DENND4C: variants seen among roughly 807,000 people sequenced by gnomAD.
DENND4C encodes the protein DENN domain-containing protein 4C.
In DENND4C, 108 loss-of-function variants were observed where a neutral mutation model predicts 203.0. That is an observed-to-expected ratio of 0.53 (90% CI 0.46 to 0.62). The LOEUF is 0.62. Ranked by LOEUF, DENND4C falls within the 20% of genes least tolerant of loss-of-function variation. The pLI, the probability that DENND4C is intolerant of heterozygous loss-of-function variation, is 0.00. For missense variants in DENND4C, 2,481 were observed against 2,301.2 expected (o/e 1.08, Z -1.60); for synonymous variants, 871 against 792.4 (o/e 1.10, Z -1.67).
At chr9:19,287,081 G>C in intron 3 of DENND4C, 60 bp downstream of exon 3, 3 of 1,222,676 alleles carry the variant, frequency 2.5e-6, no homozygotes, top group Non-Finnish European at 3.1e-6. Context: ...ATACGTTTTG[G>C]ATTCCTGTTT....
intron 10 of DENND4C, among the ~76,000 whole-genome samples, chr9:19,306,745 GTATTTATTTATTTATTTATT>G (rs59616787): frequency 3.7e-4 from 52 of 142,322 alleles, no homozygotes; most frequent in African/African-American, 1.3e-3. Context: ...TTGCACAATT[GTATTTATTTATTTATTTATT>G]TATTTATTTA....
intron 23 of DENND4C, 111 bp downstream of exon 23, chr9:19,347,197 T>A: frequency 2.6e-6 from 3 of 1,134,720 alleles, no homozygotes; most frequent in Non-Finnish European, 3.7e-6. Flanking sequence ...TGGAGTACAG[T>A]GGCATGATTT....
Position 19,271,637 on chromosome 9 carries a change from G to A in DENND4C, c.-17-4521G>A, listed in dbSNP as rs569540976. Reference sequence around the variant, plus strand: ...TCCCAGCACTTTGGGAGGCTGAGGCGGGCGGATCACCTGAGGTGGTTGAGT... The same window carrying A: ...TCCCAGCACTTTGGGAGGCTGAGGCAGGCGGATCACCTGAGGTGGTTGAGT... On this transcript the variant is annotated intron_variant, in intron 1 of 32. Transcript: ENST00000434457. Among the ~76,000 whole-genome samples, 30 of 151,996 alleles carry A rather than the reference G, an allele frequency of 2.0e-4. 1 individual carries two copies. In the South Asian group the frequency reaches 5.6e-3, roughly 28 times the overall value.
At chr9:19,239,464 T>A (rs80148682) in intron 1 of DENND4C, among the ~76,000 whole-genome samples, 2,192 of 151,968 alleles carry the variant, frequency 0.014, 49 homozygotes, top group African/African-American at 0.051. Context: ...CTGCATAATT[T>A]ATATTCTTTT....
intron 26 of DENND4C, among the ~76,000 whole-genome samples, chr9:19,353,494 G>A (rs1167740444): frequency 2.6e-5 from 4 of 151,862 alleles, no homozygotes; most frequent in African/African-American, 4.8e-5. Context: ...CAGGTGTGGC[G>A]GCGTGCGCCT....
chr9:19,272,848 G>C (rs1180670433), intron 1 of DENND4C, among the ~76,000 whole-genome samples: 1 of 151,156 alleles, frequency 6.6e-6, no homozygotes, highest in East Asian at 1.9e-4. Flanking sequence ...GCTCACTGCA[G>C]CCTCTGCCTC....
intron 1 of DENND4C, among the ~76,000 whole-genome samples, chr9:19,271,314 C>G (rs1488535707): frequency 1.3e-5 from 2 of 151,776 alleles, no homozygotes; most frequent in African/African-American, 2.4e-5. Flanking sequence ...ATTCTCATGC[C>G]TCAGCGTCCC....
chr9:19,237,010 A>G (rs913773523), intron 1 of DENND4C, among the ~76,000 whole-genome samples: 2 of 151,762 alleles, frequency 1.3e-5, no homozygotes, highest in African/African-American at 2.4e-5. Flanking sequence ...TATTTGGGCA[A>G]TTATAGGCGA....
intron 10 of DENND4C, among the ~76,000 whole-genome samples, chr9:19,307,632 T>G (rs971023244): frequency 3.4e-4 from 51 of 151,594 alleles, no homozygotes; most frequent in Non-Finnish European, 5.2e-4. Context: ...TAGCCAGGCA[T>G]GGTGGTGGGC....
chr9:19,327,490 G>T (rs1161675418), intron 15 of DENND4C, among the ~76,000 whole-genome samples: 2 of 151,774 alleles, frequency 1.3e-5, no homozygotes, highest in East Asian at 1.9e-4. Flanking sequence ...TTGGGTATTT[G>T]TCCTATGAAA....
chr9:19,334,996 T>A lies in DENND4C; in HGVS notation c.2480T>A (p.Met827Lys). The part of the protein sequence containing the change: ...PLDEVCYRVV[M>K]QLCGLWGHPV... ...TGTTAGGTGTGCTATCGAGTAGTGA[T>A]GCAGCTTTGTGGACTTTGGGGTCAT... The change falls in exon 18 of 33, where the codon ATG (methionine) becomes AAG (lysine). Residue 827 changes from methionine (M) to lysine (K), a missense_variant. Met to Lys is a moderately conservative substitution (Grantham distance 95, BLOSUM62 -1). Around this residue, in one of 3 missense-constraint regions of DENND4C, gnomAD observed 2,289 missense variants for 2,113.3 expected, o/e 1.08. Coordinates refer to ENST00000434457, the MANE Select transcript of DENND4C (RefSeq NM_001330640.2). The A allele has an allele frequency of 6.2e-7, 1 of 1,606,746 alleles. No individual in the cohort carries two copies. The highest frequency in any genetic ancestry group is 8.5e-7 in the Non-Finnish European group (1 of 1,177,752).
chr9:19,273,842 T>G (rs1027877206), intron 1 of DENND4C, among the ~76,000 whole-genome samples: 3 of 152,036 alleles, frequency 2.0e-5, no homozygotes, highest in African/African-American at 7.3e-5. Flanking sequence ...GTACACTCCC[T>G]TTAGAAAACT....
chr9:19,302,770 A>C (rs1398709980), intron 9 of DENND4C, among the ~76,000 whole-genome samples: 1 of 152,000 alleles, frequency 6.6e-6, no homozygotes, highest in Non-Finnish European at 1.5e-5. Flanking sequence ...TGGCCTTACC[A>C]TCCCGGGAGC....
intron 1 of DENND4C, among the ~76,000 whole-genome samples, chr9:19,261,784 A>T (rs1287507664): frequency 6.6e-6 from 1 of 152,028 alleles, no homozygotes; most frequent in African/African-American, 2.4e-5. Context: ...GGATACAGAC[A>T]TGAGCCACCA....
chr9:19,242,875 C>T (rs148619537), intron 1 of DENND4C, among the ~76,000 whole-genome samples: 241 of 152,136 alleles, frequency 1.6e-3, no homozygotes, highest in African/African-American at 5.6e-3. Flanking sequence ...AGGCTAGTCT[C>T]GATCTCCTGA....
intron 27 of DENND4C, chr9:19,357,717 T>G: frequency 2.8e-6 from 1 of 352,920 alleles, no homozygotes; most frequent in African/African-American, 2.1e-5. Context: ...CTTTGTCTTT[T>G]TAAAATAATA....
chr9:19,303,116 G>T (rs962402210), intron 9 of DENND4C, among the ~76,000 whole-genome samples: 2 of 151,570 alleles, frequency 1.3e-5, no homozygotes, highest in African/African-American at 2.4e-5. Context: ...TGGCATGTTT[G>T]CAGAATACAT....
intron 12 of DENND4C, among the ~76,000 whole-genome samples, chr9:19,321,552 T>A (rs1318388448): frequency 6.6e-6 from 1 of 151,622 alleles, no homozygotes; most frequent in Admixed American, 6.6e-5. Flanking sequence ...TGATGAGAAA[T>A]AGCTAATAGA....
rs1407990379 is a variant in DENND4C, at chr9:19,371,743, A to G, written c.5676-13A>G. ...ATTTGCCCATTGACTTTTAAAACAT[A>G]TTTGTTTTATAGGAGTTTATACAGA... On this transcript the variant is annotated splice_polypyrimidine_tract_variant and intron_variant, in intron 31 of 32. Transcript: ENST00000434457. 2.2e-6 allele frequency: 3 copies of G among 1,339,160 alleles called. No individual in the cohort carries two copies. The South Asian group carries it at 3.9e-5, about 17-fold the overall frequency. The allele number at this position is 1,339,160 out of a possible 1,614,324, so 83.0% of individuals were successfully genotyped here.
Sources: allele counts gnomAD v4.1 joint callset (sites outside exome capture counted in the v4.1 genomes callset), GRCh38; gene constraint gnomAD v4.1.1; regional missense constraint gnomAD v4.1.1; transcripts MANE v1.5; gene names NCBI Gene and HGNC (gene_info 2026-07-23, HGNC 2026-07-21).